Variants in PSEN1 observed in about 807,000 individuals in gnomAD.
PSEN1 encodes presenilin-1.
In PSEN1, 15 loss-of-function variants were observed where a neutral mutation model predicts 53.5. That is an observed-to-expected ratio of 0.28 (90% CI 0.19 to 0.43). The LOEUF (loss-of-function observed/expected upper bound fraction) is 0.43. Ranked by LOEUF, PSEN1 falls within the 20% of genes least tolerant of loss-of-function variation. The pLI is 1.00. For synonymous variants in PSEN1, 208 were observed against 209.8 expected, an observed-to-expected ratio of 0.99 and a Z score of 0.08; for missense variants, 387 against 571.2, an observed-to-expected ratio of 0.68 and a Z score of 3.29.
intron 1 of PSEN1, among the ~76,000 whole-genome samples, chr14:73,144,910 T>C (rs533622849): frequency 1.9e-4 from 29 of 152,340 alleles, no homozygotes; most frequent in African/African-American, 7.0e-4. Context: ...TTTTATTTTT[T>C]GAGATGCAGT....
intron 3 of PSEN1, among the ~76,000 whole-genome samples, chr14:73,169,760 C>A (rs568363633): frequency 6.6e-6 from 1 of 152,004 alleles, no homozygotes; most frequent in Non-Finnish European, 1.5e-5. Flanking sequence ...ATTCTCCTGC[C>A]GTAGCCTCAT....
At chr14:73,158,581 C>A (rs1897437555) in intron 3 of PSEN1, among the ~76,000 whole-genome samples, 1 of 152,144 alleles carries the variant, frequency 6.6e-6, no homozygotes, top group Non-Finnish European at 1.5e-5. Context: ...CTCGGCCCCC[C>A]AAAGTGTTGG....
At chr14:73,160,761 A>G (rs1897505100) in intron 3 of PSEN1, among the ~76,000 whole-genome samples, 1 of 151,220 alleles carries the variant, frequency 6.6e-6, no homozygotes, top group Non-Finnish European at 1.5e-5. Context: ...CCATCTAAAA[A>G]AATCTGATGA....
At chr14:73,170,653 C>A in intron 3 of PSEN1, 144 bp from the exon 4 acceptor site, 1 of 855,314 alleles carries the variant, frequency 1.2e-6, no homozygotes, top group Non-Finnish European at 1.9e-6. Context: ...GACTTTTAAA[C>A]TGCATACTTC....
intron 6 of PSEN1, among the ~76,000 whole-genome samples, chr14:73,188,666 CATT>C (rs1323044744): frequency 6.6e-6 from 1 of 152,146 alleles, no homozygotes; most frequent in Admixed American, 6.5e-5. Flanking sequence ...AAATCTCTAA[CATT>C]ATAAAATGTA....
intron 5 of PSEN1, among the ~76,000 whole-genome samples, chr14:73,184,507 C>G (rs1200654831): frequency 8.2e-6 from 1 of 122,632 alleles, no homozygotes; most frequent in African/African-American, 3.2e-5. Flanking sequence ...GGCGGCTGGC[C>G]GGGCGGGGGG....
At chr14:73,207,321 CTA>C (rs1491230070) in intron 9 of PSEN1, among the ~76,000 whole-genome samples, 1 of 143,424 alleles carries the variant, frequency 7.0e-6, no homozygotes, top group Non-Finnish European at 1.5e-5. Flanking sequence ...CCCACACACA[CTA>C]AAAAAAAAAA....
chr14:73,138,823 C>G (rs1203311), intron 1 of PSEN1, among the ~76,000 whole-genome samples: 2 of 149,706 alleles, frequency 1.3e-5, no homozygotes, highest in African/African-American at 4.9e-5. Flanking sequence ...AAAAATTAGC[C>G]GGGCGTGATG....
At chr14:73,200,407 T>A (rs1162966243) in intron 8 of PSEN1, among the ~76,000 whole-genome samples, 2 of 152,088 alleles carry the variant, frequency 1.3e-5, no homozygotes, top group Non-Finnish European at 2.9e-5. Flanking sequence ...GTAGCTGGAA[T>A]TACAGGCGCA....
chr14:73,214,411 TC>T (rs1266874216), intron 10 of PSEN1, among the ~76,000 whole-genome samples: 1 of 151,838 alleles, frequency 6.6e-6, no homozygotes, highest in African/African-American at 2.4e-5. Flanking sequence ...ATGCCTGTAG[TC>T]CCAGCTACTC....
At chr14:73,144,687 T>G (rs1897021704) in intron 1 of PSEN1, among the ~76,000 whole-genome samples, 1 of 152,214 alleles carries the variant, frequency 6.6e-6, no homozygotes, top group African/African-American at 2.4e-5. Flanking sequence ...ATTAGTTTGT[T>G]AAGCCTTAGT....
At position 73,221,567 on chromosome 14, in the gene PSEN1, AG is replaced by A. The variant is rs1334058938; in HGVS notation, c.*2279del. 1 of 151,258 alleles carries A rather than the reference AG, an allele frequency of 6.6e-6. No individual in the cohort carries two copies. Among genetic ancestry groups the A allele is most frequent in the Non-Finnish European group, 1.5e-5 (1 of 67,946 alleles). The allele number at this position is 151,258 out of a possible 1,614,324, so 9.4% of individuals were successfully genotyped here. On this transcript the variant is annotated 3_prime_UTR_variant, in exon 12 of 12. Transcript: ENST00000324501. Reference sequence around the variant, plus strand: ...CCACATCTCAGCCACATTGTTAGACAGTGTACAGAGAACCTATCTTTCCTTT... The same window carrying A: ...CCACATCTCAGCCACATTGTTAGACATGTACAGAGAACCTATCTTTCCTTT...
At chr14:73,138,619 G>A (rs1896817888) in intron 1 of PSEN1, among the ~76,000 whole-genome samples, 1 of 151,940 alleles carries the variant, frequency 6.6e-6, no homozygotes, top group East Asian at 1.9e-4. Flanking sequence ...TCCCAGAGTG[G>A]TGGGATACAG....
At chr14:73,158,606 G>A (rs1481474088) in intron 3 of PSEN1, among the ~76,000 whole-genome samples, 1 of 152,166 alleles carries the variant, frequency 6.6e-6, no homozygotes, top group Non-Finnish European at 1.5e-5. Context: ...ACAGGCGTGA[G>A]CCATCACACC....
At chr14:73,173,460 G>T (rs781386633) in intron 4 of PSEN1, 106 bp from the exon 5 acceptor site, 85 of 1,150,062 alleles carry the variant, frequency 7.4e-5, no homozygotes, top group Non-Finnish European at 1.0e-4. Context: ...TGACTTATAA[G>T]ATACGAATTG....
At position 73,186,920 on chromosome 14, in the gene PSEN1, G is replaced by T. The variant is rs63751068; in HGVS notation, c.548G>T (p.Gly183Val). The part of the protein sequence containing the change: ...LLFFFSFIYL[G>V]EVFKTYNVAV... ...TTCTTTTTTTCATTCATTTACTTGG[G>T]GTAAGTTGTGAAATTTTTGGTCTGT... Residue 183 changes from glycine to valine, a missense_variant and splice_region_variant, in exon 6 of 12, where the codon GGG becomes GTG. Coordinates refer to ENST00000324501, the MANE Select transcript of PSEN1 (RefSeq NM_000021.4). The T allele has an allele frequency of 2.5e-6, 4 of 1,611,918 alleles. No individual in the cohort carries two copies. Among genetic ancestry groups the T allele is most frequent in the Non-Finnish European group, 3.4e-6 (4 of 1,178,208 alleles).
chr14:73,136,691 A>T (rs1896752737), intron 1 of PSEN1, 108 bp downstream of exon 1: 1 of 152,278 alleles, frequency 6.6e-6, no homozygotes, highest in African/African-American at 2.4e-5. Context: ...CGGTGTCCTA[A>T]AAGATGAGGG....
chr14:73,183,637 C>G (rs1418161283), intron 5 of PSEN1, among the ~76,000 whole-genome samples: 2 of 152,100 alleles, frequency 1.3e-5, no homozygotes, highest in African/African-American at 4.8e-5. Context: ...TCAACAGGAT[C>G]CCAAGGCAGA....
chr14:73,194,838 G>A (rs1462333098), intron 7 of PSEN1, among the ~76,000 whole-genome samples: 1 of 152,092 alleles, frequency 6.6e-6, no homozygotes, highest in Non-Finnish European at 1.5e-5. Context: ...AAAGTGTTGG[G>A]ATTACAGGCA....
Sources: gnomAD v4.1 joint callset for allele counts (sites outside exome capture counted in the v4.1 genomes callset) on GRCh38, gnomAD v4.1.1 for gene constraint, MANE v1.5 for transcripts, NCBI Gene and HGNC (gene_info 2026-07-23, HGNC 2026-07-21) for gene names.